INSL6: variants seen among roughly 807,000 people sequenced by gnomAD.
INSL6 encodes the protein insulin like 6.
A neutral mutation model predicts 9.4 loss-of-function variants in INSL6; 16 were observed. The observed-to-expected ratio is 1.70, with a 90% CI of 1.15 to 2.59. The LOEUF is 2.59. Ranked by LOEUF, INSL6 falls within the 30% of genes most tolerant of loss-of-function variation. INSL6 has a pLI of 0.00. For missense variants in INSL6, 391 were observed against 257.3 expected, an observed-to-expected ratio of 1.52 and a Z score of -3.56; for synonymous variants, 154 against 96.9, an observed-to-expected ratio of 1.59 and a Z score of -3.46.
At chr9:5,084,005 T>C in the INSL6 span, among the ~76,000 whole-genome samples, 1 of 152,146 alleles carries the variant, frequency 6.6e-6, no homozygotes, top group African/African-American at 2.4e-5. Context: ...GAATATACCA[T>C]AATTTATTTA....
chr9:5,054,486 C>T, the INSL6 span: 2 of 1,284,768 alleles, frequency 1.6e-6, no homozygotes, highest in Non-Finnish European at 2.2e-6. This position sits in a 1 kb window ranked among gnomAD's most constrained non-coding sequence, Gnocchi z 4.9. Flanking sequence ...AAGGTGGTAA[C>T]TTCTTTTTCA....
chr9:4,998,056 T>G, the INSL6 span, among the ~76,000 whole-genome samples: 1 of 152,232 alleles, frequency 6.6e-6, no homozygotes, highest in South Asian at 2.1e-4. Flanking sequence ...TTTAAACAAC[T>G]TCTAGATTTT....
chr9:5,181,422 A>C (rs1825449361), intron 1 of INSL6, among the ~76,000 whole-genome samples: 1 of 152,142 alleles, frequency 6.6e-6, no homozygotes, highest in Non-Finnish European at 1.5e-5. Flanking sequence ...GATTAGTAGA[A>C]AGTGTTCAGA....
At chr9:5,047,965 A>C in the INSL6 span, among the ~76,000 whole-genome samples, 1 of 152,112 alleles carries the variant, frequency 6.6e-6, no homozygotes, top group Non-Finnish European at 1.5e-5. Flanking sequence ...TATTTAAGGA[A>C]TAGTATTTAT....
In INSL6 at chr9:5,158,263, T is replaced by A. The variant is rs1824858905; in HGVS notation, c.376+5916A>T. ...CGCCTTGAAAGGGTGGGGGGAGTGG[T>A]CTAGAATGTTTTTCAAAGAGATAAT... On this transcript the variant is annotated intron_variant, in intron 2 of 3. Coordinates refer to the INSL6 transcript ENST00000649639. Among the ~76,000 whole-genome samples the A allele has an allele frequency of 4.6e-5, 7 of 152,072 alleles. 1 individual carries two copies. The South Asian group carries it at 1.5e-3, about 32-fold the overall frequency.
the INSL6 span, chr9:5,069,184 A>C: frequency 6.2e-7 from 1 of 1,607,756 alleles, no homozygotes; most frequent in East Asian, 2.2e-5. Context: ...CCAGTTTACT[A>C]AATGCTGTCC....
At chr9:5,040,957 T>A in the INSL6 span, 1 of 531,788 alleles carries the variant, frequency 1.9e-6, no homozygotes, top group Non-Finnish European at 3.5e-6. Context: ...AAAGAATCTC[T>A]ATACAAACAA....
At position 5,136,540 on chromosome 9, in the gene INSL6, T is replaced by G. The variant is rs12340102; in HGVS notation, c.377-2948A>C. ...AAAACAACATGATTATCTCAATAGA[T>G]GCAGAAAAGGCCTTTGACAAAATTC... is the stretch of plus-strand genomic sequence containing the variant. On this transcript the variant is annotated intron_variant, in intron 2 of 3. Transcript: ENST00000649639. Among the ~76,000 whole-genome samples, 1,397 of 152,328 alleles carry G rather than the reference T, an allele frequency of 9.2e-3. 18 individuals are homozygous for G. The highest frequency in any genetic ancestry group is 0.032 in the African/African-American group (1,326 of 41,588).
chr9:5,072,269 GC>G, the INSL6 span, among the ~76,000 whole-genome samples: 1 of 152,120 alleles, frequency 6.6e-6, no homozygotes, highest in South Asian at 2.1e-4. Context: ...ACCGAGTAGA[GC>G]CAAAATACAC....
At chr9:5,099,466 C>G in the INSL6 span, 2 of 152,158 alleles carry the variant, frequency 1.3e-5, no homozygotes, top group Non-Finnish European at 2.9e-5. Context: ...TAACTTTATT[C>G]TCCATTATTC....
chr9:5,052,476 TAA>T, the INSL6 span, among the ~76,000 whole-genome samples: 40 of 152,266 alleles, frequency 2.6e-4, no homozygotes, highest in South Asian at 6.6e-3. Flanking sequence ...CATGATATTT[TAA>T]AAGAGTTTAT....
At chr9:5,012,847 C>T in the INSL6 span, among the ~76,000 whole-genome samples, 3 of 151,998 alleles carry the variant, frequency 2.0e-5, no homozygotes, top group East Asian at 1.9e-4. Flanking sequence ...TCTAAACATT[C>T]GTAAAATATG....
At chr9:5,018,751 C>A in the INSL6 span, among the ~76,000 whole-genome samples, 2 of 152,178 alleles carry the variant, frequency 1.3e-5, no homozygotes, top group African/African-American at 4.8e-5. Flanking sequence ...ACTATTTTTC[C>A]TTTGCTTAAT....
intron 2 of INSL6, among the ~76,000 whole-genome samples, chr9:5,142,520 T>C (rs886369526): frequency 3.9e-5 from 6 of 152,204 alleles, no homozygotes; most frequent in African/African-American, 1.4e-4. Flanking sequence ...TTAAGTGTAC[T>C]GAAATGCTAG....
At chr9:5,149,813 A>G (rs1336314602) in intron 2 of INSL6, among the ~76,000 whole-genome samples, 1 of 152,222 alleles carries the variant, frequency 6.6e-6, no homozygotes, top group Non-Finnish European at 1.5e-5. Context: ...AAAATTTAAA[A>G]GCTGGAGGTA....
the INSL6 span, among the ~76,000 whole-genome samples, chr9:5,026,934 C>T: frequency 3.0e-4 from 46 of 152,132 alleles, no homozygotes; most frequent in Admixed American, 2.3e-3. Flanking sequence ...GCCCAAAGGA[C>T]ATAATTATTA....
the INSL6 span, chr9:5,110,812 T>G: frequency 4.6e-6 from 2 of 434,034 alleles, no homozygotes; most frequent in Non-Finnish European, 8.9e-6. Context: ...CTGGGGGCCC[T>G]GCTGCATCGC....
chr9:5,038,726 AG>A, the INSL6 span, among the ~76,000 whole-genome samples: 12 of 152,170 alleles, frequency 7.9e-5, no homozygotes, highest in African/African-American at 2.9e-4. Flanking sequence ...AGCGCTCTAA[AG>A]GTTTTGAATT....
chr9:5,029,046 C>T, the INSL6 span, among the ~76,000 whole-genome samples: 1 of 152,126 alleles, frequency 6.6e-6, no homozygotes, highest in Non-Finnish European at 1.5e-5. Context: ...GGCTTTTAGC[C>T]TCTCTTGGCT....
Sources: gnomAD v4.1 joint callset for allele counts (sites outside exome capture counted in the v4.1 genomes callset) on GRCh38, gnomAD v4.1.1 for gene constraint, Gnocchi (gnomAD v3.1) non-coding constraint, MANE v1.5 for transcripts, NCBI Gene and HGNC (gene_info 2026-07-23, HGNC 2026-07-21) for gene names.